The following NEBL variants were observed in gnomAD, a reference collection of about 807,000 sequenced individuals.
The protein encoded by NEBL is nebulette, also known as LIM and SH3 protein 2.
In NEBL, 122 loss-of-function variants were observed where a neutral mutation model predicts 140.2. The ratio of observed to expected loss-of-function variants is 0.87; its 90% CI spans 0.75 to 1.01. NEBL has a LOEUF of 1.01. Ranked by LOEUF, NEBL falls within the 50% of genes least tolerant of loss-of-function variation. The pLI, the probability that NEBL is intolerant of heterozygous loss-of-function variation, is 0.00. For synonymous variants in NEBL, 436 were observed against 398.9 expected (o/e 1.09, Z -1.11); for missense variants, 1,365 against 1,231.3 (o/e 1.11, Z -1.62).
intron 5 of NEBL, among the ~76,000 whole-genome samples, chr10:20,878,741 T>C (rs1414265516): frequency 6.6e-6 from 1 of 152,136 alleles, no homozygotes. Context: ...CATGCAAAGG[T>C]TGAGTCAAGT....
chr10:20,938,749 T>A (rs1834660172), intron 4 of NEBL, among the ~76,000 whole-genome samples: 1 of 152,196 alleles, frequency 6.6e-6, no homozygotes, highest in African/African-American at 2.4e-5. Flanking sequence ...TCAAAGGACC[T>A]GATGGAGCTG....
intron 2 of NEBL, among the ~76,000 whole-genome samples, chr10:21,032,409 T>C (rs1833837906): frequency 6.6e-6 from 1 of 152,218 alleles, no homozygotes; most frequent in African/African-American, 2.4e-5. Flanking sequence ...GGGTCTAAGA[T>C]GCTTTTTGAG....
At chr10:21,095,498 C>G (rs1004603327) in intron 2 of NEBL, among the ~76,000 whole-genome samples, 1 of 152,140 alleles carries the variant, frequency 6.6e-6, no homozygotes, top group Non-Finnish European at 1.5e-5. Context: ...CATAACTGTA[C>G]CTTTTAAAAC....
intron 3 of NEBL, among the ~76,000 whole-genome samples, chr10:21,246,824 A>T (rs1487526824): frequency 1.3e-5 from 2 of 151,806 alleles, no homozygotes; most frequent in African/African-American, 4.8e-5. Flanking sequence ...ACAGAGTGAG[A>T]CTCTATCTCA....
At chr10:20,899,645 ATG>A (rs901462589), upstream of NEBL, 2 of 317,524 alleles carry the variant, frequency 6.3e-6, no homozygotes, top group Admixed American at 9.4e-5. Context: ...ATGAAAAATT[ATG>A]TGTCTCATTT....
At chr10:20,986,930 A>G (rs1317347208) in intron 3 of NEBL, among the ~76,000 whole-genome samples, 1 of 152,188 alleles carries the variant, frequency 6.6e-6, no homozygotes, top group Admixed American at 6.5e-5. Flanking sequence ...GTTAGCACAG[A>G]ACCCCCAACA....
At chr10:20,991,882 C>G (rs1297838795) in intron 3 of NEBL, among the ~76,000 whole-genome samples, 1 of 150,456 alleles carries the variant, frequency 6.6e-6, no homozygotes, top group Non-Finnish European at 1.5e-5. Flanking sequence ...GTTTTCTGTT[C>G]CCACATTAAT....
intron 4 of NEBL, among the ~76,000 whole-genome samples, chr10:20,942,833 A>T (rs1469867682): frequency 6.6e-6 from 1 of 152,224 alleles, no homozygotes. Context: ...AAGACACATG[A>T]AAAAATGCTC....
At chr10:20,868,310 C>CTGTG (rs3085048) in intron 7 of NEBL, 1,583 of 155,892 alleles carry the variant, frequency 0.01, 22 homozygotes, top group African/African-American at 0.033. Context: ...AAGTTAAAAA[C>CTGTG]TGTGTGTGTG....
intron 2 of NEBL, among the ~76,000 whole-genome samples, chr10:21,097,030 T>C (rs1245440001): frequency 6.6e-6 from 1 of 152,158 alleles, no homozygotes; most frequent in African/African-American, 2.4e-5. Flanking sequence ...TTTATTTAAA[T>C]ACACTTGTAG....
At chr10:21,241,617 T>C (rs1842440874) in intron 3 of NEBL, among the ~76,000 whole-genome samples, 1 of 152,122 alleles carries the variant, frequency 6.6e-6, no homozygotes. Context: ...AGTCATTTGC[T>C]ACAGGCTGAA....
intron 3 of NEBL, among the ~76,000 whole-genome samples, chr10:21,182,523 A>G (rs1841404181): frequency 6.6e-6 from 1 of 152,344 alleles, no homozygotes; most frequent in South Asian, 2.1e-4. Flanking sequence ...AGAAGTGCGT[A>G]TATTCTTGTC....
At chr10:21,003,140 T>C (rs567580542) in intron 3 of NEBL, among the ~76,000 whole-genome samples, 1 of 152,114 alleles carries the variant, frequency 6.6e-6, no homozygotes, top group East Asian at 1.9e-4. Context: ...TCTTTAATTT[T>C]CCAAGCTTTG....
chr10:21,044,589 C>A (rs996028922), intron 2 of NEBL, among the ~76,000 whole-genome samples: 1 of 151,978 alleles, frequency 6.6e-6, no homozygotes, highest in Non-Finnish European at 1.5e-5. Context: ...AAAATAAATT[C>A]ACATGGCTGT....
chr10:21,225,377 C>A (rs1842130994), intron 3 of NEBL, among the ~76,000 whole-genome samples: 1 of 152,124 alleles, frequency 6.6e-6, no homozygotes, highest in Admixed American at 6.6e-5. Context: ...TCCACAGTAA[C>A]CACTGCCTGA....
chr10:21,285,678 C>T (rs1158529329), intron 1 of NEBL, among the ~76,000 whole-genome samples: 2 of 152,228 alleles, frequency 1.3e-5, no homozygotes, highest in Non-Finnish European at 2.9e-5. Context: ...TTTTGGGCTT[C>T]ACAGGCTTCA....
chr10:21,038,024 C>A (rs1348104115), intron 2 of NEBL, among the ~76,000 whole-genome samples: 1 of 152,030 alleles, frequency 6.6e-6, no homozygotes, highest in Non-Finnish European at 1.5e-5. Context: ...CTTCAGAAAC[C>A]TTCTAGAGAG....
intron 13 of NEBL, among the ~76,000 whole-genome samples, chr10:20,840,068 T>C (rs931228668): frequency 1.3e-5 from 2 of 152,158 alleles, no homozygotes; most frequent in Non-Finnish European, 2.9e-5. Context: ...GTTTCTGTCA[T>C]TTGTAACCTA....
At chr10:21,199,359 A>G (rs1446336523) in intron 3 of NEBL, among the ~76,000 whole-genome samples, 7 of 152,184 alleles carry the variant, frequency 4.6e-5, no homozygotes, top group Non-Finnish European at 1.0e-4. Context: ...TTAAAAAATC[A>G]TTATGTTTCT....
Sources: gnomAD v4.1 joint callset for allele counts (sites outside exome capture counted in the v4.1 genomes callset) on GRCh38, gnomAD v4.1.1 for gene constraint, MANE v1.5 for transcripts, NCBI Gene and HGNC (gene_info 2026-07-23, HGNC 2026-07-21) for gene names.